The following PPP3R1 variants were observed in gnomAD, a reference collection of about 807,000 sequenced individuals.
PPP3R1 encodes the protein calcineurin subunit B type 1.
PPP3R1 carries 5 observed loss-of-function variants against 22.6 expected under a neutral mutation model. The observed-to-expected ratio is 0.22, with a 90% confidence interval of 0.12 to 0.46. The LOEUF (loss-of-function observed/expected upper bound fraction) is 0.46, where lower values mean the gene tolerates loss of function less well. Ranked by LOEUF, PPP3R1 falls within the 20% of genes least tolerant of loss-of-function variation. The pLI is 0.99. For synonymous variants in PPP3R1, 56 were observed against 65.2 expected (o/e 0.86, Z 0.68); for missense variants, 61 against 203.2 (o/e 0.30, Z 4.25).
chr2:68,210,248 C>CTT (rs1359375381), intron 2 of PPP3R1, among the ~76,000 whole-genome samples: 1 of 152,170 alleles, frequency 6.6e-6, no homozygotes, highest in Non-Finnish European at 1.5e-5. Context: ...CACAAAAGAT[C>CTT]TTATTATTTC....
At chr2:68,182,070 A>AC (rs1674417139) in intron 5 of PPP3R1, among the ~76,000 whole-genome samples, 1 of 45,172 alleles carries the variant, frequency 2.2e-5, no homozygotes, top group Non-Finnish European at 3.7e-5. Context: ...CCCCTCCTCC[A>AC]ACCCCCCCCT....
chr2:68,209,044 A>AC (rs1669402967), intron 2 of PPP3R1, among the ~76,000 whole-genome samples: 1 of 150,138 alleles, frequency 6.7e-6, no homozygotes, highest in Non-Finnish European at 1.5e-5. Context: ...AGGTATCACC[A>AC]TTTTTTTTTA....
chr2:68,193,111 AAGT>A (rs767077691), intron 2 of PPP3R1, among the ~76,000 whole-genome samples: 1 of 152,166 alleles, frequency 6.6e-6, no homozygotes, highest in Non-Finnish European at 1.5e-5. Context: ...AAACATTATA[AAGT>A]AGTTGATATC....
At chr2:68,210,151 T>G (rs1669451405) in intron 2 of PPP3R1, among the ~76,000 whole-genome samples, 1 of 152,190 alleles carries the variant, frequency 6.6e-6, no homozygotes, top group Admixed American at 6.5e-5. Context: ...TCAGAATGGT[T>G]GTGGCAGTTC....
At chr2:68,211,406 C>CAAAAA (rs3979551) in intron 2 of PPP3R1, among the ~76,000 whole-genome samples, 15,958 of 76,768 alleles carry the variant, frequency 0.21, 2,291 homozygotes, top group Non-Finnish European at 0.23. Context: ...GACTCTGTCT[C>CAAAAA]AAAAAAAAAA....
At chr2:68,235,574 T>C (rs1670004968) in intron 1 of PPP3R1, among the ~76,000 whole-genome samples, 3 of 152,358 alleles carry the variant, frequency 2.0e-5, no homozygotes, top group African/African-American at 7.2e-5. Flanking sequence ...TTCATTCGTA[T>C]GAACATACCA....
intron 2 of PPP3R1, among the ~76,000 whole-genome samples, chr2:68,201,066 A>G (rs1401780240): frequency 6.6e-6 from 1 of 152,192 alleles, no homozygotes; most frequent in Non-Finnish European, 1.5e-5. Context: ...TCAATGATAC[A>G]TCTTATTCAA....
At chr2:68,217,045 G>GAT in intron 2 of PPP3R1, 47 bp downstream of exon 2, 1 of 1,367,686 alleles carries the variant, frequency 7.3e-7, no homozygotes, top group Non-Finnish European at 1.0e-6. Context: ...CACACAGAGA[G>GAT]AGATGAGTGA....
At chr2:68,190,722 T>C (rs181142994) in intron 2 of PPP3R1, among the ~76,000 whole-genome samples, 46 of 152,328 alleles carry the variant, frequency 3.0e-4, no homozygotes, top group African/African-American at 1.1e-3. Context: ...AGGACACAGA[T>C]GAAGTTGTGA....
intron 1 of PPP3R1, among the ~76,000 whole-genome samples, chr2:68,219,804 C>G (rs10208241): frequency 1.3e-5 from 2 of 152,058 alleles, no homozygotes; most frequent in Admixed American, 6.5e-5. Context: ...TGAAAAAAGT[C>G]CTAAAGCTAA....
At chr2:68,195,873 GCCTTTCCAACAA>G (rs1674755552) in intron 2 of PPP3R1, among the ~76,000 whole-genome samples, 4 of 151,288 alleles carry the variant, frequency 2.6e-5, no homozygotes, top group Admixed American at 1.3e-4. Flanking sequence ...CTCCTATGCG[GCCTTTCCAACAA>G]CCTTTTTTTT....
intron 2 of PPP3R1, among the ~76,000 whole-genome samples, chr2:68,198,981 T>C (rs1042981881): frequency 7.2e-5 from 11 of 152,132 alleles, no homozygotes; most frequent in African/African-American, 2.7e-4. Flanking sequence ...ATTATTTTTT[T>C]AAGATGGAGT....
chr2:68,201,570 ATCC>A (rs1197556598), intron 2 of PPP3R1, among the ~76,000 whole-genome samples: 4 of 152,190 alleles, frequency 2.6e-5, no homozygotes, highest in Non-Finnish European at 5.9e-5. Flanking sequence ...CATAGTTGTT[ATCC>A]TGAGATTTTC....
chr2:68,191,382 A>G (rs920477816), intron 2 of PPP3R1, among the ~76,000 whole-genome samples: 4 of 152,214 alleles, frequency 2.6e-5, no homozygotes, highest in African/African-American at 9.6e-5. Flanking sequence ...ATATCTAAAC[A>G]TTCAAAAGGT....
At chr2:68,221,866 T>G (rs981423212) in intron 1 of PPP3R1, among the ~76,000 whole-genome samples, 2 of 152,080 alleles carry the variant, frequency 1.3e-5, no homozygotes, top group Non-Finnish European at 2.9e-5. Flanking sequence ...CTATCAGTTT[T>G]TATATCCAGC....
chr2:68,244,573 C>G (rs6746532), intron 1 of PPP3R1, among the ~76,000 whole-genome samples: 4,800 of 152,094 alleles, frequency 0.032, 239 homozygotes, highest in African/African-American at 0.11. Context: ...TAATGTCTAT[C>G]CTTTCCTTTT....
intron 2 of PPP3R1, 116 bp downstream of exon 2, chr2:68,216,976 A>G: frequency 2.7e-6 from 2 of 732,134 alleles, no homozygotes; most frequent in Non-Finnish European, 4.3e-6. Flanking sequence ...TCACATTGCT[A>G]CAAAGGTAAG....
At chr2:68,203,139 G>A (rs536781730) in intron 2 of PPP3R1, among the ~76,000 whole-genome samples, 3 of 152,256 alleles carry the variant, frequency 2.0e-5, no homozygotes, top group African/African-American at 7.2e-5. Context: ...GTGACTAGGT[G>A]AATTAAATCA....
At chr2:68,206,934 C>T (rs1675139070) in intron 2 of PPP3R1, among the ~76,000 whole-genome samples, 2 of 152,038 alleles carry the variant, frequency 1.3e-5, no homozygotes, top group Admixed American at 6.6e-5. Context: ...AAACAGAGAA[C>T]ACTGGCTTGA....
Sources: allele counts gnomAD v4.1 joint callset (sites outside exome capture counted in the v4.1 genomes callset), GRCh38; gene constraint gnomAD v4.1.1; transcripts MANE v1.5; gene names NCBI Gene and HGNC (gene_info 2026-07-23, HGNC 2026-07-21).